The following CSMD1 variants were observed in gnomAD, a reference collection of about 807,000 sequenced individuals.
CSMD1 encodes the protein CUB and Sushi multiple domains 1.
Under a neutral mutation model 417.5 loss-of-function variants are expected in CSMD1, and 213 were observed. The ratio of observed to expected loss-of-function variants is 0.51; its 90% confidence interval spans 0.46 to 0.57. The LOEUF is 0.57. CSMD1 is among the 20% of genes least tolerant of loss of function. The pLI, the probability that CSMD1 is intolerant of heterozygous loss-of-function variation, is 0.00. For synonymous variants in CSMD1, 2,862 were observed against 1,736.8 expected, an observed-to-expected ratio of 1.65 and a Z score of -16.11; for missense variants, 6,923 against 4,529.7, an observed-to-expected ratio of 1.53 and a Z score of -15.17.
At chr8:4,468,497 T>C (rs923144002) in intron 2 of CSMD1, among the ~76,000 whole-genome samples, 1 of 152,236 alleles carries the variant, frequency 6.6e-6, no homozygotes, top group Non-Finnish European at 1.5e-5. Context: ...TCTTATCCTC[T>C]GAACATGTAC....
chr8:3,001,274 G>C (rs1807384771), intron 52 of CSMD1, among the ~76,000 whole-genome samples: 1 of 152,128 alleles, frequency 6.6e-6, no homozygotes, highest in African/African-American at 2.4e-5. Context: ...GGGATGACAG[G>C]TGTGAGCCAC....
intron 2 of CSMD1, among the ~76,000 whole-genome samples, chr8:4,460,408 C>T (rs1661036107): frequency 6.6e-6 from 1 of 152,050 alleles, no homozygotes; most frequent in Non-Finnish European, 1.5e-5. Flanking sequence ...ATAGCCTCAC[C>T]TTCCACCTCA....
chr8:3,780,399 T>G (rs1364280488), intron 5 of CSMD1, among the ~76,000 whole-genome samples: 1 of 152,212 alleles, frequency 6.6e-6, no homozygotes, highest in East Asian at 1.9e-4. Flanking sequence ...TTATCGCCTT[T>G]TCAGCACACA....
At chr8:3,740,330 T>A (rs1429172884) in intron 6 of CSMD1, among the ~76,000 whole-genome samples, 1 of 152,196 alleles carries the variant, frequency 6.6e-6, no homozygotes, top group African/African-American at 2.4e-5. Context: ...GGTCTCGAAC[T>A]CCTTAACTCA....
intron 26 of CSMD1, among the ~76,000 whole-genome samples, chr8:3,280,705 T>C (rs1013164758): frequency 8.8e-6 from 1 of 113,642 alleles, no homozygotes; most frequent in Non-Finnish European, 1.9e-5. Flanking sequence ...CTAGTACACA[T>C]GGAAAACTGA....
Position 2,938,461 on chromosome 8 carries a change from G to T in CSMD1, c.*124C>A. ...GATCCCCGCTGCACTTATGCCAGTA[G>T]ACAAGGTTGAAGATCGCTGCAGTAA... On this transcript the variant is annotated 3_prime_UTR_variant, in exon 70 of 70. Transcript: ENST00000635120. 1.1e-6 allele frequency: 1 copy of T among 900,840 alleles called. No homozygotes were observed. Among genetic ancestry groups the T allele is most frequent in the East Asian group, 2.7e-5 (1 of 37,114 alleles). The allele number at this position is 900,840 out of a possible 1,614,324, so 55.8% of individuals were successfully genotyped here.
intron 12 of CSMD1, among the ~76,000 whole-genome samples, chr8:3,438,361 C>A (rs1814711281): frequency 6.6e-6 from 1 of 152,136 alleles, no homozygotes; most frequent in African/African-American, 2.4e-5. Context: ...AGGTGAGATA[C>A]AGAACATGTC....
At chr8:3,359,709 AAT>A (rs1242561971) in intron 20 of CSMD1, among the ~76,000 whole-genome samples, 2 of 152,162 alleles carry the variant, frequency 1.3e-5, no homozygotes, top group Non-Finnish European at 2.9e-5. Flanking sequence ...AGTGAGTAAT[AAT>A]ACAGTGTACA....
At chr8:4,247,224 G>A (rs1321734224) in intron 3 of CSMD1, among the ~76,000 whole-genome samples, 5 of 152,244 alleles carry the variant, frequency 3.3e-5, no homozygotes, top group Middle Eastern at 3.4e-3. Flanking sequence ...CTGGAACAGC[G>A]AGAAAGGGAC....
chr8:3,892,108 A>G (rs1434477691), intron 5 of CSMD1, among the ~76,000 whole-genome samples: 1 of 150,814 alleles, frequency 6.6e-6, no homozygotes, highest in African/African-American at 2.4e-5. Context: ...TTCAGGCAGG[A>G]CAGATACATA....
intron 5 of CSMD1, among the ~76,000 whole-genome samples, chr8:3,856,336 G>A (rs946745297): frequency 2.0e-5 from 3 of 152,126 alleles, no homozygotes; most frequent in Admixed American, 6.5e-5. Flanking sequence ...CCCAGAAGCT[G>A]CTATGCTTCC....
intron 49 of CSMD1, among the ~76,000 whole-genome samples, chr8:3,083,235 T>A (rs7013217): frequency 0.99 from 150,818 of 152,200 alleles, 74,732 homozygotes; most frequent in East Asian, 1. Flanking sequence ...GTCTTCAATT[T>A]TCTTAGAACT....
intron 3 of CSMD1, among the ~76,000 whole-genome samples, chr8:4,169,028 T>G (rs1797616807): frequency 6.6e-6 from 1 of 152,276 alleles, no homozygotes; most frequent in South Asian, 2.1e-4. Flanking sequence ...TCTGTTCCAG[T>G]TGCTGGTTTC....
chr8:4,750,608 T>C (rs539143545), intron 1 of CSMD1, among the ~76,000 whole-genome samples: 3 of 152,130 alleles, frequency 2.0e-5, no homozygotes, highest in Admixed American at 6.6e-5. Context: ...GATCCAGCAA[T>C]GAGACTAAGA....
chr8:4,344,565 C>T (rs1800673996), intron 3 of CSMD1, among the ~76,000 whole-genome samples: 3 of 150,482 alleles, frequency 2.0e-5, no homozygotes, highest in Admixed American at 6.6e-5. Context: ...TAAATATATA[C>T]ATATATAAGT....
chr8:3,570,813 C>T (rs982883621), intron 10 of CSMD1, among the ~76,000 whole-genome samples: 1 of 152,102 alleles, frequency 6.6e-6, no homozygotes, highest in Non-Finnish European at 1.5e-5. Flanking sequence ...TGCAATGGGA[C>T]GACAAGGAGT....
intron 37 of CSMD1, among the ~76,000 whole-genome samples, chr8:3,180,173 T>C (rs1226336343): frequency 6.6e-6 from 1 of 152,232 alleles, no homozygotes; most frequent in Non-Finnish European, 1.5e-5. Context: ...GAAATTCTTA[T>C]TTCGCTTTTA....
chr8:4,703,221 G>T (rs928637701), intron 1 of CSMD1, among the ~76,000 whole-genome samples: 1 of 152,188 alleles, frequency 6.6e-6, no homozygotes, highest in Non-Finnish European at 1.5e-5. Flanking sequence ...AGCTCATACA[G>T]TGTAAACCAA....
At chr8:3,106,464 T>C (rs915807618) in intron 46 of CSMD1, 64 bp downstream of exon 46, 6 of 989,784 alleles carry the variant, frequency 6.1e-6, no homozygotes, top group African/African-American at 4.8e-5. Context: ...TGCAGACCAA[T>C]ACAAACAATA....
Sources: allele counts gnomAD v4.1 joint callset (sites outside exome capture counted in the v4.1 genomes callset), GRCh38; gene constraint gnomAD v4.1.1; transcripts MANE v1.5; gene names NCBI Gene and HGNC (gene_info 2026-07-23, HGNC 2026-07-21).